Variants in TMX4 observed in about 807,000 individuals in gnomAD.
The protein encoded by TMX4 is thioredoxin related transmembrane protein 4, also known as thioredoxin-related transmembrane protein 4.
TMX4 carries 23 observed loss-of-function variants against 33.3 expected under a neutral mutation model. That is an observed-to-expected ratio of 0.69 (90% CI 0.50 to 0.98). TMX4 has a LOEUF of 0.98. Ranked by LOEUF, TMX4 falls within the 50% of genes least tolerant of loss-of-function variation. TMX4 has a pLI of 0.00. For synonymous variants in TMX4, 164 were observed against 161.5 expected, an observed-to-expected ratio of 1.02 and a Z score of -0.12; for missense variants, 399 against 448.9, an observed-to-expected ratio of 0.89 and a Z score of 1.01.
intron 1 of TMX4, among the ~76,000 whole-genome samples, chr20:8,013,050 A>C (rs920027285): frequency 1.3e-5 from 2 of 152,168 alleles, no homozygotes; most frequent in Non-Finnish European, 2.9e-5. Context: ...TTTGTATAAG[A>C]ATTTAGAAAC....
intron 1 of TMX4, chr20:8,018,836 C>T (rs2294246): frequency 0.072 from 18,285 of 254,790 alleles, 1,357 homozygotes; most frequent in East Asian, 0.52. Flanking sequence ...TGAAATCATA[C>T]TGTAAAATTT....
intron 1 of TMX4, 176 bp downstream of exon 1, chr20:8,019,262 C>T: frequency 5.5e-6 from 4 of 726,740 alleles, no homozygotes; most frequent in South Asian, 2.1e-5. Flanking sequence ...TCGAGCCCAG[C>T]GGCAGTGCAG....
intron 1 of TMX4, among the ~76,000 whole-genome samples, chr20:8,016,920 A>G (rs1323890966): frequency 1.3e-5 from 2 of 152,218 alleles, no homozygotes; most frequent in Non-Finnish European, 2.9e-5. Context: ...ATGTATGACC[A>G]GCTCATCTGA....
intron 6 of TMX4, among the ~76,000 whole-genome samples, chr20:7,986,802 A>T (rs953986293): frequency 3.3e-5 from 5 of 152,182 alleles, no homozygotes; most frequent in African/African-American, 1.2e-4. Flanking sequence ...TGTTAACTAC[A>T]TTATCTATCT....
intron 5 of TMX4, among the ~76,000 whole-genome samples, chr20:7,992,650 A>G (rs2050660028): frequency 6.6e-6 from 1 of 152,176 alleles, no homozygotes. Flanking sequence ...GTTGATAGGA[A>G]TTCGGCCATG....
intron 4 of TMX4, among the ~76,000 whole-genome samples, chr20:7,998,845 C>G (rs2050688924): frequency 6.6e-6 from 1 of 152,154 alleles, no homozygotes; most frequent in Non-Finnish European, 1.5e-5. Flanking sequence ...AGAGCAGGTC[C>G]ATAACCCCAG....
chr20:7,991,984 T>C (rs2050657184), intron 5 of TMX4, among the ~76,000 whole-genome samples: 1 of 152,242 alleles, frequency 6.6e-6, no homozygotes, highest in African/African-American at 2.4e-5. Context: ...TCCACACATG[T>C]GCCACACACA....
chr20:7,991,079 T>C (rs1471145972), intron 5 of TMX4, among the ~76,000 whole-genome samples: 1 of 152,252 alleles, frequency 6.6e-6, no homozygotes, highest in Non-Finnish European at 1.5e-5. Flanking sequence ...TAAATGTTCA[T>C]GGCTTTTAAT....
At chr20:7,983,907 C>T (rs2050619925) in intron 6 of TMX4, 50 bp from the exon 7 acceptor site, 1 of 1,419,602 alleles carries the variant, frequency 7.0e-7, no homozygotes, top group South Asian at 1.2e-5. Context: ...CATTTATTAC[C>T]AAAGGACCTC....
chr20:7,990,166 G>A (rs2050648213), intron 5 of TMX4, among the ~76,000 whole-genome samples: 1 of 152,004 alleles, frequency 6.6e-6, no homozygotes, highest in Non-Finnish European at 1.5e-5. Context: ...TTGGTGGCAG[G>A]CGCCTGTAGT....
Position 7,996,043 on chromosome 20 carries a change from T to A in TMX4, c.496A>T (p.Ile166Phe), listed in dbSNP as rs756666681. 2.5e-6 allele frequency: 4 copies of A among 1,611,182 alleles called. No individual in the cohort carries two copies. In the African/African-American group the frequency reaches 5.4e-5, roughly 22 times the overall value. The change falls in exon 5 of 8, where the codon ATC becomes TTC. Residue 166 changes from isoleucine to phenylalanine, a missense_variant. By Grantham distance (21) the Ile-to-Phe change is conservative (BLOSUM62 0). Coordinates refer to ENST00000246024, the MANE Select transcript of TMX4 (RefSeq NM_021156.4). ...TTACTTACCCATATCTTGCCAGAGA[T>A]GCTAAAAAGACCAGCCATTCCAGAC... ...TMSGMAGLFS[I>F]SGKIWHLHNY...
At chr20:7,987,019 CTTT>C (rs762695134) in intron 6 of TMX4, among the ~76,000 whole-genome samples, 2 of 132,316 alleles carry the variant, frequency 1.5e-5, no homozygotes. Context: ...AGTAAGGTCT[CTTT>C]TTTTTTTTTT....
chr20:7,994,949 T>C (rs932241157), intron 5 of TMX4, among the ~76,000 whole-genome samples: 3 of 152,176 alleles, frequency 2.0e-5, no homozygotes, highest in African/African-American at 7.2e-5. Flanking sequence ...TTATTGTTTA[T>C]TGTGAGACAA....
chr20:8,015,264 T>A (rs1384587258), intron 1 of TMX4, among the ~76,000 whole-genome samples: 2 of 152,200 alleles, frequency 1.3e-5, no homozygotes, highest in Non-Finnish European at 2.9e-5. Context: ...CATAACAGTA[T>A]CTAGAGCAGT....
intron 5 of TMX4, among the ~76,000 whole-genome samples, chr20:7,987,901 G>C (rs1378241076): frequency 6.6e-6 from 1 of 152,114 alleles, no homozygotes; most frequent in Non-Finnish European, 1.5e-5. Context: ...AACATAAAAT[G>C]TAACAGTAGA....
chr20:8,018,354 G>GTCTC (rs2050786362), intron 1 of TMX4, among the ~76,000 whole-genome samples: 1 of 97,934 alleles, frequency 1.0e-5, no homozygotes, highest in Non-Finnish European at 2.0e-5. Flanking sequence ...AGGAGGGAGA[G>GTCTC]AGAGAGAGAG....
chr20:8,011,258 G>A (rs923226647), intron 1 of TMX4, among the ~76,000 whole-genome samples: 1 of 151,942 alleles, frequency 6.6e-6, no homozygotes, highest in Non-Finnish European at 1.5e-5. Flanking sequence ...GAGGAAAGGG[G>A]CCAGGGGAGA....
At chr20:7,989,343 A>C (rs2050644369) in intron 5 of TMX4, among the ~76,000 whole-genome samples, 2 of 152,214 alleles carry the variant, frequency 1.3e-5, no homozygotes, top group African/African-American at 4.8e-5. Context: ...GTTAGGAAAA[A>C]TAATGTGCAG....
At chr20:8,016,306 A>T (rs2050775237) in intron 1 of TMX4, among the ~76,000 whole-genome samples, 1 of 152,178 alleles carries the variant, frequency 6.6e-6, no homozygotes, top group South Asian at 2.1e-4. Context: ...CGGGAGGCAG[A>T]GGGTACACTG....
Sources: gnomAD v4.1 joint callset for allele counts (sites outside exome capture counted in the v4.1 genomes callset) on GRCh38, gnomAD v4.1.1 for gene constraint, MANE v1.5 for transcripts, NCBI Gene and HGNC (gene_info 2026-07-23, HGNC 2026-07-21) for gene names.